CUL1: variants seen among roughly 807,000 people sequenced by gnomAD.
CUL1 encodes cullin-1.
CUL1 carries 24 observed loss-of-function variants against 118.0 expected under a neutral mutation model. The observed-to-expected ratio is 0.20, with a 90% CI of 0.15 to 0.29. CUL1 has a LOEUF of 0.29. CUL1 is among the 10% of genes least tolerant of loss of function. The probability of loss-of-function intolerance (pLI) is 1.00; values close to 1 mark genes in which losing one functional copy is unlikely to be tolerated. For synonymous variants in CUL1, 332 were observed against 340.4 expected, an observed-to-expected ratio of 0.98 and a Z score of 0.27; for missense variants, 361 against 933.8, an observed-to-expected ratio of 0.39 and a Z score of 7.99.
chr7:148,795,769 C>CAAAAA (rs915978562), intron 17 of CUL1, among the ~76,000 whole-genome samples: 1 of 56,100 alleles, frequency 1.8e-5, no homozygotes. Context: ...GACTCTGTCT[C>CAAAAA]AAAAAAAAAA....
In CUL1 at chr7:148,717,088, C is replaced by A. The variant is rs144375959; in HGVS notation, c.-161-12874C>A. ...GTTTTGTTTTGTTTTGAGATGGAATCTCGCTCTGTCACCCAGGCTGGAGTG... is the reference window on the plus strand; with the variant it reads ...GTTTTGTTTTGTTTTGAGATGGAATATCGCTCTGTCACCCAGGCTGGAGTG... On this transcript the variant is annotated intron_variant, in intron 1 of 21. Coordinates refer to ENST00000325222, the MANE Select transcript of CUL1 (RefSeq NM_003592.3). Among the ~76,000 whole-genome samples the A allele has an allele frequency of 3.3e-4, 46 of 138,740 alleles. 1 individual carries two copies. The East Asian group carries it at 9.5e-3, about 29-fold the overall frequency. 91.0% of individuals were successfully genotyped at this position (138,740 alleles called of 152,430 possible). A position where few individuals can be genotyped will look rare whatever the true frequency, so the allele number is the denominator to read the frequency against.
At chr7:148,781,314 G>A (rs1394932929) in intron 9 of CUL1, among the ~76,000 whole-genome samples, 3 of 151,890 alleles carry the variant, frequency 2.0e-5, no homozygotes, top group Non-Finnish European at 4.4e-5. Flanking sequence ...AACTCCTGAC[G>A]TCATGATCTG....
chr7:148,797,158 G>C (rs765501636), intron 17 of CUL1, among the ~76,000 whole-genome samples: 1 of 152,108 alleles, frequency 6.6e-6, no homozygotes, highest in East Asian at 1.9e-4. Context: ...GTCGCCTGCC[G>C]CTGAGCCCCA....
Position 148,793,571 on chromosome 7 carries a change from T to C in CUL1, c.1899+753T>C, listed in dbSNP as rs137966785. Among the ~76,000 whole-genome samples, 215 of 152,354 alleles carry C rather than the reference T, an allele frequency of 1.4e-3. 2 individuals carry two copies. The highest frequency in any genetic ancestry group is 5.0e-3 in the African/African-American group (209 of 41,584). On this transcript the variant is annotated intron_variant, in intron 17 of 21. Coordinates refer to ENST00000325222, the MANE Select transcript of CUL1 (RefSeq NM_003592.3). Reference sequence around the variant, plus strand: ...ACATGACTTTCTGTGCCTGCCTTCTTTCCCTCAGTGTATACTGTTTGCAAG... The same window carrying C: ...ACATGACTTTCTGTGCCTGCCTTCTCTCCCTCAGTGTATACTGTTTGCAAG...
intron 9 of CUL1, among the ~76,000 whole-genome samples, chr7:148,775,957 C>G (rs1297746720): frequency 1.3e-5 from 2 of 151,900 alleles, no homozygotes; most frequent in Non-Finnish European, 2.9e-5. Flanking sequence ...GGACAGTACC[C>G]AAGAGTGGCT....
At position 148,800,113 on chromosome 7, in the gene CUL1, A is replaced by G. The variant is rs1006878273; in HGVS notation, c.2251-389A>G. On this transcript the variant is annotated intron_variant, in intron 21 of 21. Coordinates refer to ENST00000325222, the MANE Select transcript of CUL1 (RefSeq NM_003592.3). The surrounding 1 kb of genome is among the most constrained non-coding windows in gnomAD (Gnocchi z 4.6). ...ATTTGGCACAGGTGCCAGTTCGTTC[A>G]TGGCTGTTCAGGGAGTTCCCCACAG... 1.3e-5 allele frequency among the ~76,000 whole-genome samples: 2 copies of G among 152,168 alleles called. No individual in the cohort carries two copies. The highest frequency in any genetic ancestry group is 2.9e-5 in the Non-Finnish European group (2 of 68,030).
intron 1 of CUL1, among the ~76,000 whole-genome samples, chr7:148,714,123 T>C (rs1418913851): frequency 6.6e-6 from 1 of 152,232 alleles, no homozygotes; most frequent in Non-Finnish European, 1.5e-5. Context: ...ATTTATTCTT[T>C]ATAGCAATTC....
chr7:148,765,833 A>G (rs890238242), intron 7 of CUL1, among the ~76,000 whole-genome samples: 5 of 152,146 alleles, frequency 3.3e-5, no homozygotes, highest in Non-Finnish European at 5.9e-5. Context: ...CAGGGCTTAT[A>G]TTTGTGTGAC....
chr7:148,729,250 C>T (rs1453407162), intron 1 of CUL1, among the ~76,000 whole-genome samples: 1 of 152,204 alleles, frequency 6.6e-6, no homozygotes, highest in Non-Finnish European at 1.5e-5. Flanking sequence ...TTTTCTAATA[C>T]ATTATCTTAT....
chr7:148,758,999 C>G (rs1799749839), intron 4 of CUL1, among the ~76,000 whole-genome samples: 1 of 152,080 alleles, frequency 6.6e-6, no homozygotes, highest in Non-Finnish European at 1.5e-5. Flanking sequence ...AAATGTGTAC[C>G]TTACAGTAAC....
At chr7:148,698,344 T>C (rs1055802746), upstream of CUL1, 15 of 152,284 alleles carry the variant, frequency 9.9e-5, no homozygotes, top group African/African-American at 3.6e-4. Context: ...TTCTTCGGGG[T>C]GCTTCGGGCC....
At chr7:148,714,053 A>G (rs1319940923) in intron 1 of CUL1, among the ~76,000 whole-genome samples, 2 of 152,224 alleles carry the variant, frequency 1.3e-5, no homozygotes, top group African/African-American at 4.8e-5. Flanking sequence ...TAGAAGGACA[A>G]AGATTGATCA....
chr7:148,742,351 A>AG (rs1250968951), intron 2 of CUL1, among the ~76,000 whole-genome samples: 1 of 152,204 alleles, frequency 6.6e-6, no homozygotes, highest in African/African-American at 2.4e-5. Context: ...ACATGGCAGT[A>AG]GGCAAGAGAG....
intron 1 of CUL1, among the ~76,000 whole-genome samples, chr7:148,725,188 TGCGCGCGTGTACACACACACACAC>T (rs1410537919): frequency 1.5e-5 from 2 of 132,924 alleles, no homozygotes; most frequent in African/African-American, 2.7e-5. Flanking sequence ...GCAGCGCACA[TGCGCGCGTGTACACACACACACAC>T]GCGCGCGCTC....
intron 17 of CUL1, among the ~76,000 whole-genome samples, chr7:148,797,182 C>T (rs80087781): frequency 6.6e-6 from 1 of 152,234 alleles, no homozygotes; most frequent in Non-Finnish European, 1.5e-5. Context: ...TTCTCATGAG[C>T]AGGACATTAT....
intron 9 of CUL1, among the ~76,000 whole-genome samples, chr7:148,771,614 T>C (rs1463428651): frequency 6.6e-6 from 1 of 152,134 alleles, no homozygotes; most frequent in Non-Finnish European, 1.5e-5. Flanking sequence ...ATCAAGGGCA[T>C]TTGTGCTCAA....
chr7:148,790,851 A>G lies in CUL1; in HGVS notation c.1806+410A>G, dbSNP rs188230781. Reference sequence around the variant, plus strand: ...ACCTTACACAGAGCACTTTCACATTAATAACACTCAGTGCTGACAACAATA... The same window carrying G: ...ACCTTACACAGAGCACTTTCACATTGATAACACTCAGTGCTGACAACAATA... On this transcript the variant is annotated intron_variant, in intron 16 of 21. Transcript: ENST00000325222. Among the ~76,000 whole-genome samples the G allele has an allele frequency of 3.9e-5, 6 of 152,328 alleles. No individual in the cohort carries two copies. In the East Asian group the frequency reaches 1.2e-3, roughly 29 times the overall value.
chr7:148,800,669 C>T lies in CUL1; in HGVS notation c.*87C>T, dbSNP rs1426416167. Reference sequence around the variant, plus strand: ...AACAACTCAAGTTCATAGCAGCCAGCCTGCCGCCATTGGACCTCCCTTTTA... The same window carrying T: ...AACAACTCAAGTTCATAGCAGCCAGTCTGCCGCCATTGGACCTCCCTTTTA... On this transcript the variant is annotated 3_prime_UTR_variant, in exon 22 of 22. Coordinates refer to ENST00000325222, the MANE Select transcript of CUL1 (RefSeq NM_003592.3). The surrounding 1 kb of genome is among the most constrained non-coding windows in gnomAD (Gnocchi z 4.6). 8 of 1,096,182 alleles carry T rather than the reference C, an allele frequency of 7.3e-6. No homozygotes were observed. Among genetic ancestry groups the T allele is most frequent in the Non-Finnish European group, 1.1e-5 (8 of 734,826 alleles). 67.9% of individuals were successfully genotyped at this position (1,096,182 alleles called of 1,614,324 possible).
chr7:148,784,109 C>G (rs967579329), intron 11 of CUL1, 32 bp downstream of exon 11: 1 of 1,521,492 alleles, frequency 6.6e-7, no homozygotes, highest in Non-Finnish European at 9.1e-7. Context: ...TCTTAGTATG[C>G]CTGTTTAAAA....
Sources: gnomAD v4.1 joint callset for allele counts (sites outside exome capture counted in the v4.1 genomes callset) on GRCh38, gnomAD v4.1.1 for gene constraint, Gnocchi (gnomAD v3.1) non-coding constraint, MANE v1.5 for transcripts, NCBI Gene and HGNC (gene_info 2026-07-23, HGNC 2026-07-21) for gene names.